CNOT6L: variants seen among roughly 807,000 people sequenced by gnomAD.
CNOT6L encodes the protein CCR4-NOT transcription complex subunit 6-like.
A neutral mutation model predicts 64.0 loss-of-function variants in CNOT6L; 7 were observed. The ratio of observed to expected loss-of-function variants is 0.11; its 90% confidence interval spans 0.06 to 0.21. The LOEUF is 0.21. Among genes scored for constraint, CNOT6L ranks in the 10% least tolerant of loss-of-function variants. CNOT6L has a pLI of 1.00. For missense variants in CNOT6L, 245 were observed against 669.0 expected (o/e 0.37, Z 6.99); for synonymous variants, 193 against 243.4 (o/e 0.79, Z 1.93).
intron 4 of CNOT6L, among the ~76,000 whole-genome samples, chr4:77,762,532 G>A (rs969202241): frequency 6.6e-6 from 1 of 152,068 alleles, no homozygotes; most frequent in Non-Finnish European, 1.5e-5. Context: ...TAAACCTTGT[G>A]CCGTATATAA....
rs182701420 is a variant in CNOT6L, at chr4:77,743,525, T to A, written c.717+1193A>T. ...CAAGCTACTCTGTTACATAAAAAAA[T>A]TTTTAATAATTTTTCCTCTCAGGCT... On this transcript the variant is annotated intron_variant, in intron 7 of 11. Coordinates refer to ENST00000504123, the MANE Select transcript of CNOT6L (RefSeq NM_144571.3). Among the ~76,000 whole-genome samples, 454 of 149,776 alleles carry A rather than the reference T, an allele frequency of 3.0e-3. 2 individuals carry two copies. The highest frequency in any genetic ancestry group is 0.01 in the African/African-American group (424 of 40,892).
intron 1 of CNOT6L, among the ~76,000 whole-genome samples, chr4:77,794,654 A>C (rs1339740339): frequency 2.6e-5 from 4 of 152,216 alleles, no homozygotes; most frequent in Non-Finnish European, 2.9e-5. Context: ...TCAATGAAAA[A>C]TCTATAGCTA....
At chr4:77,809,719 A>C (rs1732688575) in intron 1 of CNOT6L, among the ~76,000 whole-genome samples, 1 of 152,158 alleles carries the variant, frequency 6.6e-6, no homozygotes, top group Non-Finnish European at 1.5e-5. Context: ...TTCTTTTAGC[A>C]GTATTTGTAG....
chr4:77,784,455 T>TGCATTTAATGCCTC (rs1489147068), intron 1 of CNOT6L, among the ~76,000 whole-genome samples: 3 of 152,136 alleles, frequency 2.0e-5, no homozygotes. Flanking sequence ...TTTAATGCCT[T>TGCATTTAATGCCTC]GCATTTAATG....
intron 1 of CNOT6L, among the ~76,000 whole-genome samples, chr4:77,791,449 A>T (rs892008566): frequency 4.6e-5 from 7 of 152,220 alleles, no homozygotes; most frequent in Admixed American, 6.5e-5. Context: ...AAAATGAGAA[A>T]ATACTGCCAA....
chr4:77,785,898 G>A (rs962526811), intron 1 of CNOT6L, among the ~76,000 whole-genome samples: 1 of 152,136 alleles, frequency 6.6e-6, no homozygotes, highest in Non-Finnish European at 1.5e-5. Context: ...AGAATGAACA[G>A]GAATCAGTAT....
intron 2 of CNOT6L, among the ~76,000 whole-genome samples, chr4:77,775,131 T>A (rs1360291035): frequency 6.6e-6 from 1 of 152,120 alleles, no homozygotes; most frequent in Non-Finnish European, 1.5e-5. Flanking sequence ...TATCCTACAA[T>A]GCACACAACA....
rs1014431469 is a variant in CNOT6L at position 77,776,251 on chromosome 4, A to G, written c.127+20T>C. 2.5e-6 allele frequency: 4 copies of G among 1,605,952 alleles called. No homozygotes were observed. The highest frequency in any genetic ancestry group is 2.3e-4 in the Middle Eastern group (1 of 4,426). ...TTATCACTATTACATTCCAGATTAA[A>G]TGCTTCAGATTCCACTCACCCGAGA... On this transcript the variant is annotated intron_variant, in intron 2 of 11. Transcript: ENST00000504123.
Position 77,803,801 on chromosome 4 carries a change from G to A in CNOT6L, c.5+15503C>T, listed in dbSNP as rs542396537. ...GCCAGTAATCCCAGCTACTCGGGAG[G>A]CTGAGGCAGGAGAATCGCTTGAACC... On this transcript the variant is annotated intron_variant, in intron 1 of 11. Coordinates refer to ENST00000504123, the MANE Select transcript of CNOT6L (RefSeq NM_144571.3). Among the ~76,000 whole-genome samples the A allele has an allele frequency of 3.3e-5, 5 of 152,186 alleles. No homozygotes were observed. In the East Asian group the frequency reaches 7.7e-4, roughly 24 times the overall value.
Position 77,716,408 on chromosome 4 carries a change from T to C in CNOT6L, c.*4023A>G, listed in dbSNP as rs1231750191. ...TAGGAATGACATAATGATGTGGTTA[T>C]ATGCCTCTGGTTCTTCAAAGAATGT... is the stretch of plus-strand genomic sequence containing the variant. On this transcript the variant is annotated 3_prime_UTR_variant, in exon 12 of 12. Transcript: ENST00000504123. 1 of 152,130 alleles carries C rather than the reference T, an allele frequency of 6.6e-6. No homozygotes were observed. Among genetic ancestry groups the C allele is most frequent in the Non-Finnish European group, 1.5e-5 (1 of 67,994 alleles). The allele number at this position is 152,130 out of a possible 1,614,324, so 9.4% of individuals were successfully genotyped here.
intron 4 of CNOT6L, among the ~76,000 whole-genome samples, chr4:77,772,209 G>T (rs1291517793): frequency 6.6e-6 from 1 of 152,168 alleles, no homozygotes; most frequent in Non-Finnish European, 1.5e-5. Flanking sequence ...TCTGGCTGAG[G>T]TTTAGACTAT....
At chr4:77,783,651 A>G (rs569986202) in intron 1 of CNOT6L, among the ~76,000 whole-genome samples, 1 of 152,176 alleles carries the variant, frequency 6.6e-6, no homozygotes, top group Non-Finnish European at 1.5e-5. Flanking sequence ...CAAGAATGAG[A>G]AGTTTTAAAT....
intron 8 of CNOT6L, among the ~76,000 whole-genome samples, chr4:77,732,170 G>A (rs1722511167): frequency 6.6e-6 from 1 of 152,034 alleles, no homozygotes; most frequent in Admixed American, 6.6e-5. Context: ...CTGAGAAACA[G>A]ATTCTGCAAG....
chr4:77,783,004 T>C (rs1729040004), intron 1 of CNOT6L, among the ~76,000 whole-genome samples: 1 of 152,122 alleles, frequency 6.6e-6, no homozygotes, highest in Non-Finnish European at 1.5e-5. Context: ...CCCCATTCCA[T>C]TTCCATACCA....
rs142888128 is a variant in CNOT6L, at chr4:77,743,586, CTTTTTTTTTTTTTTTTTTTTTTTT to C, written c.717+1108_717+1131del. On this transcript the variant is annotated intron_variant, in intron 7 of 11. Transcript: ENST00000504123. ...GAATGTGTGAAATTGTAACACACAA[CTTTTTTTTTTTTTTTTTTTTTTTT>C]TTTTTTTTTGAGACAGAATCTCGCT... Among the ~76,000 whole-genome samples the C allele has an allele frequency of 1.4e-4, 10 of 70,890 alleles. No individual in the cohort carries two copies. In the Admixed American group the frequency reaches 1.8e-3, roughly 13 times the overall value. 46.5% of individuals were successfully genotyped at this position (70,890 alleles called of 152,430 possible).
intron 1 of CNOT6L, among the ~76,000 whole-genome samples, chr4:77,786,549 A>G (rs1324900927): frequency 5.3e-5 from 8 of 152,128 alleles, no homozygotes; most frequent in Non-Finnish European, 7.4e-5. Context: ...TCATGGTTCA[A>G]TGGAGTCTTG....
chr4:77,788,928 C>T (rs1269104890), intron 1 of CNOT6L, among the ~76,000 whole-genome samples: 2 of 151,954 alleles, frequency 1.3e-5, no homozygotes, highest in Non-Finnish European at 2.9e-5. Context: ...AAATAAAATA[C>T]AGCCATATCT....
At chr4:77,786,691 G>A (rs1290976633) in intron 1 of CNOT6L, among the ~76,000 whole-genome samples, 1 of 151,704 alleles carries the variant, frequency 6.6e-6, no homozygotes, top group Non-Finnish European at 1.5e-5. Flanking sequence ...TCCCCAGGCT[G>A]GTCTTGAACT....
chr4:77,767,061 TCA>T (rs1491462068), intron 4 of CNOT6L, among the ~76,000 whole-genome samples: 1 of 26,210 alleles, frequency 3.8e-5, no homozygotes, highest in Non-Finnish European at 6.2e-5. Flanking sequence ...AAACTCCGTC[TCA>T]AAAAAAAAAA....
Sources: gnomAD v4.1 joint callset for allele counts (sites outside exome capture counted in the v4.1 genomes callset) on GRCh38, gnomAD v4.1.1 for gene constraint, MANE v1.5 for transcripts, NCBI Gene and HGNC (gene_info 2026-07-23, HGNC 2026-07-21) for gene names.